The following SLAIN2 variants were observed in gnomAD, a reference collection of about 807,000 sequenced individuals.
The protein encoded by SLAIN2 is SLAIN motif-containing protein 2.
SLAIN2 carries 31 observed loss-of-function variants against 56.6 expected under a neutral mutation model. The ratio of observed to expected loss-of-function variants is 0.55; its 90% CI spans 0.41 to 0.74. The LOEUF (loss-of-function observed/expected upper bound fraction) is 0.74. Ranked by LOEUF, SLAIN2 falls within the 30% of genes least tolerant of loss-of-function variation. SLAIN2 has a pLI of 0.00. For missense variants in SLAIN2, 777 were observed against 754.2 expected (o/e 1.03, Z -0.35); for synonymous variants, 317 against 284.9 (o/e 1.11, Z -1.13).
chr4:48,412,687 G>A (rs79504633), intron 6 of SLAIN2, among the ~76,000 whole-genome samples: 7,945 of 151,808 alleles, frequency 0.052, 324 homozygotes, highest in African/African-American at 0.11. Flanking sequence ...CCCTATTTTC[G>A]GGGCATTTTC....
At chr4:48,401,305 G>A (rs1017317668) in intron 6 of SLAIN2, among the ~76,000 whole-genome samples, 1 of 152,164 alleles carries the variant, frequency 6.6e-6, no homozygotes, top group Non-Finnish European at 1.5e-5. Flanking sequence ...TTAATTCAGA[G>A]CTGGGTTCAG....
chr4:48,364,118 A>G (rs1715439111), intron 1 of SLAIN2, among the ~76,000 whole-genome samples: 1 of 52,518 alleles, frequency 1.9e-5, no homozygotes, highest in Non-Finnish European at 4.0e-5. Flanking sequence ...CACTTCTCAG[A>G]CGGGGTGGTT....
At chr4:48,357,991 G>A (rs1445820032) in intron 1 of SLAIN2, among the ~76,000 whole-genome samples, 1 of 152,134 alleles carries the variant, frequency 6.6e-6, no homozygotes, top group Non-Finnish European at 1.5e-5. Context: ...GAGCCACCAC[G>A]CCTGGCCCTA....
chr4:48,368,646 T>A (rs1265329336), intron 1 of SLAIN2, among the ~76,000 whole-genome samples: 1 of 152,234 alleles, frequency 6.6e-6, no homozygotes, highest in Non-Finnish European at 1.5e-5. Flanking sequence ...AAGGAATCTT[T>A]GCAGTATTTA....
At chr4:48,392,783 T>G (rs1322366043) in intron 6 of SLAIN2, among the ~76,000 whole-genome samples, 5 of 151,578 alleles carry the variant, frequency 3.3e-5, no homozygotes, top group African/African-American at 4.9e-5. Flanking sequence ...AATTTTCTCT[T>G]TAGCAGCTAT....
At chr4:48,391,213 C>T (rs1716228709) in intron 6 of SLAIN2, among the ~76,000 whole-genome samples, 1 of 152,140 alleles carries the variant, frequency 6.6e-6, no homozygotes, top group Admixed American at 6.5e-5. Context: ...GTTGGAGGCA[C>T]ACATTTCGCT....
intron 1 of SLAIN2, among the ~76,000 whole-genome samples, chr4:48,356,286 A>T (rs1715151886): frequency 6.6e-6 from 1 of 152,228 alleles, no homozygotes; most frequent in Admixed American, 6.5e-5. Flanking sequence ...TGTATATATT[A>T]TATATGCACA....
intron 6 of SLAIN2, among the ~76,000 whole-genome samples, chr4:48,413,768 T>C (rs1211805566): frequency 6.6e-6 from 1 of 152,210 alleles, no homozygotes; most frequent in African/African-American, 2.4e-5. Context: ...TTTTATAAAT[T>C]ATGCAGCTAA....
chr4:48,368,456 A>G (rs1422982485), intron 1 of SLAIN2, among the ~76,000 whole-genome samples: 1 of 152,084 alleles, frequency 6.6e-6, no homozygotes, highest in Non-Finnish European at 1.5e-5. Flanking sequence ...ATGTAAAACC[A>G]GTCAGTGTAG....
chr4:48,382,055 T>G (rs1715984375), intron 4 of SLAIN2, among the ~76,000 whole-genome samples: 1 of 152,172 alleles, frequency 6.6e-6, no homozygotes, highest in African/African-American at 2.4e-5. Context: ...GCAATCAAGA[T>G]TTCGTTTGTG....
intron 1 of SLAIN2, among the ~76,000 whole-genome samples, chr4:48,351,948 G>T (rs571716993): frequency 3.9e-5 from 6 of 152,326 alleles, no homozygotes; most frequent in Admixed American, 3.9e-4. Context: ...CAAGTTTAGG[G>T]AAAAGAGCGA....
At chr4:48,358,609 C>T (rs974796885) in intron 1 of SLAIN2, among the ~76,000 whole-genome samples, 8 of 152,228 alleles carry the variant, frequency 5.3e-5, no homozygotes, top group South Asian at 2.1e-4. Flanking sequence ...AGCCACTGCG[C>T]GCGGCCCAAC....
chr4:48,390,226 C>T (rs539281486), intron 6 of SLAIN2, among the ~76,000 whole-genome samples: 8 of 152,024 alleles, frequency 5.3e-5, no homozygotes, highest in East Asian at 1.9e-4. Context: ...TACAGGCACG[C>T]ACCACCATGC....
intron 1 of SLAIN2, among the ~76,000 whole-genome samples, chr4:48,366,598 T>C (rs1315382655): frequency 6.6e-6 from 1 of 152,210 alleles, no homozygotes; most frequent in Non-Finnish European, 1.5e-5. Context: ...TACTTTTTCA[T>C]GGTCTTATTT....
intron 6 of SLAIN2, among the ~76,000 whole-genome samples, chr4:48,412,413 CACA>C (rs1716887250): frequency 1.0e-4 from 4 of 38,916 alleles, no homozygotes; most frequent in Non-Finnish European, 2.2e-4. Context: ...CACACACACA[CACA>C]TTCCCTCTCT....
intron 6 of SLAIN2, among the ~76,000 whole-genome samples, chr4:48,409,122 G>T (rs890473143): frequency 6.6e-6 from 1 of 152,160 alleles, no homozygotes; most frequent in Non-Finnish European, 1.5e-5. Context: ...GGCAAGCAAT[G>T]TGAAATAATA....
At chr4:48,342,662 AGTGG>A (rs1714748113) in intron 1 of SLAIN2, among the ~76,000 whole-genome samples, 1 of 133,944 alleles carries the variant, frequency 7.5e-6, no homozygotes, top group Non-Finnish European at 1.6e-5. Context: ...CCCTTTGGGT[AGTGG>A]GGTAAACCTT....
At chr4:48,367,149 T>C (rs757192772) in intron 1 of SLAIN2, among the ~76,000 whole-genome samples, 1 of 152,222 alleles carries the variant, frequency 6.6e-6, no homozygotes, top group South Asian at 2.1e-4. Flanking sequence ...AATTCAGTTA[T>C]GTGGTACAGC....
intron 6 of SLAIN2, among the ~76,000 whole-genome samples, chr4:48,411,146 G>C (rs1716834341): frequency 6.6e-6 from 1 of 152,064 alleles, no homozygotes; most frequent in South Asian, 2.1e-4. Flanking sequence ...TGGATGAGAG[G>C]GATAATAGGG....
Sources: allele counts gnomAD v4.1 joint callset (sites outside exome capture counted in the v4.1 genomes callset), GRCh38; gene constraint gnomAD v4.1.1; transcripts MANE v1.5; gene names NCBI Gene and HGNC (gene_info 2026-07-23, HGNC 2026-07-21).